Variants in ZNF716 observed in about 807,000 individuals in gnomAD.
The protein encoded by ZNF716 is zinc finger protein 716.
In ZNF716, 9 loss-of-function variants were observed where a neutral mutation model predicts 13.4. The ratio of observed to expected loss-of-function variants is 0.67; its 90% CI spans 0.41 to 1.18. ZNF716 has a LOEUF of 1.18. Among genes scored for constraint, ZNF716 ranks in the 50% most tolerant of loss-of-function variants. The pLI, the probability that ZNF716 is intolerant of heterozygous loss-of-function variation, is 0.01. For missense variants in ZNF716, 581 were observed against 576.6 expected (o/e 1.01, Z -0.08); for synonymous variants, 186 against 195.2 (o/e 0.95, Z 0.39).
Position 57,468,814 on chromosome 7 carries a change from G to A in ZNF716, c.353G>A (p.Cys118Tyr). 6.2e-7 allele frequency: 1 copy of A among 1,613,790 alleles called. No homozygotes were observed. The highest frequency in any genetic ancestry group is 8.5e-7 in the Non-Finnish European group (1 of 1,179,852). ...QKVILRRYGK[C>Y]GQEDLQVKKC... ...GTGATACTGAGAAGATATGGAAAAT[G>A]TGGACAGGAGGATTTACAAGTAAAA... Residue 118 changes from cysteine to tyrosine, a missense_variant, in exon 4 of 4, where the codon TGT becomes TAT. Transcript: ENST00000420713.
rs1554325280 is a variant in ZNF716, at chr7:57,471,433, T to C, written c.*1484T>C. Reference sequence around the variant, plus strand: ...CCATCTTAAAAAAAAAAAAAAAGCGTAAATGTGATTACTGTAAAAAGACCT... The same window carrying C: ...CCATCTTAAAAAAAAAAAAAAAGCGCAAATGTGATTACTGTAAAAAGACCT... On this transcript the variant is annotated 3_prime_UTR_variant, in exon 4 of 4. Coordinates refer to ENST00000420713, the MANE Select transcript of ZNF716 (RefSeq NM_001159279.1). The C allele has an allele frequency of 6.8e-6, 1 of 147,596 alleles. No homozygotes were observed. The allele number at this position is 147,596 out of a possible 1,614,324, so 9.1% of individuals were successfully genotyped here.
chr7:57,464,122 CTTTTTT>C (rs71065117), intron 3 of ZNF716, among the ~76,000 whole-genome samples: 2 of 125,844 alleles, frequency 1.6e-5, no homozygotes, highest in African/African-American at 6.0e-5. Flanking sequence ...TTTCTTTTTT[CTTTTTT>C]TTTTTTTTTT....
Position 57,472,167 on chromosome 7 carries a change from G to T in ZNF716, c.*2218G>T, listed in dbSNP as rs1395236928. 6.6e-6 allele frequency: 1 copy of T among 152,110 alleles called. No individual in the cohort carries two copies. The highest frequency in any genetic ancestry group is 1.5e-5 in the Non-Finnish European group (1 of 68,030). 9.4% of individuals were successfully genotyped at this position (152,110 alleles called of 1,614,324 possible). ...GCATAATGAAAATCTAAATGGAGAG[G>T]TTCTTTGTGGTTGACTTATAACATT... On this transcript the variant is annotated 3_prime_UTR_variant, in exon 4 of 4. Transcript: ENST00000420713.
intron 3 of ZNF716, among the ~76,000 whole-genome samples, chr7:57,464,115 C>CTTTT (rs782745508): frequency 0.081 from 8,608 of 106,780 alleles, 935 homozygotes; most frequent in Non-Finnish European, 0.097. Context: ...TTGTCCATTT[C>CTTTT]TTTTTTCTTT....
At position 57,471,369 on chromosome 7, in the gene ZNF716, C is replaced by T. The variant is rs1789932476; in HGVS notation, c.*1420C>T. 3 of 150,878 alleles carry T rather than the reference C, an allele frequency of 2.0e-5. No individual in the cohort carries two copies. The South Asian group carries it at 6.3e-4, about 31-fold the overall frequency. 9.3% of individuals were successfully genotyped at this position (150,878 alleles called of 1,614,324 possible). A position where few individuals can be genotyped will look rare whatever the true frequency, so the allele number is the denominator to read the frequency against. On this transcript the variant is annotated 3_prime_UTR_variant, in exon 4 of 4. Transcript: ENST00000420713. The stretch of plus-strand genomic sequence containing the variant: ...GGTGGAGGTTGCAGTGAGTCAAGAT[C>T]ACCCCACCATACTCCAGCCTGGGTG...
At chr7:57,452,994 C>T (rs1789525616) in intron 1 of ZNF716, among the ~76,000 whole-genome samples, 1 of 152,052 alleles carries the variant, frequency 6.6e-6, no homozygotes, top group Admixed American at 6.6e-5. Context: ...CTGGTATACT[C>T]TTCCTGTAAA....
chr7:57,455,725 C>G (rs1789573664), intron 1 of ZNF716, among the ~76,000 whole-genome samples: 2 of 152,030 alleles, frequency 1.3e-5, no homozygotes, highest in African/African-American at 4.8e-5. Flanking sequence ...ACCATGTTGG[C>G]CAGGTTGGTC....
chr7:57,463,032 T>A, intron 2 of ZNF716, 41 bp from the exon 3 acceptor site: 1 of 1,599,356 alleles, frequency 6.3e-7, no homozygotes, highest in East Asian at 2.2e-5. Flanking sequence ...ATTAAAGAAT[T>A]CAGCCAGATT....
In ZNF716 at chr7:57,451,620, G is replaced by A. The variant is rs562808403; in HGVS notation, c.39+1293G>A. Among the ~76,000 whole-genome samples, 125 of 151,296 alleles carry A rather than the reference G, an allele frequency of 8.3e-4. 1 individual carries two copies. Among genetic ancestry groups the A allele is most frequent in the African/African-American group, 2.9e-3 (120 of 41,206 alleles). ...CCGCCACCATGCCTGGCTAATTTTT[G>A]TATTTTTAGTAGAGATAGAGTGTTG... On this transcript the variant is annotated intron_variant, in intron 1 of 3. Transcript: ENST00000420713.
chr7:57,469,427 A>G lies in ZNF716; in HGVS notation c.966A>G (p.Arg322=). 1 of 1,613,818 alleles carries G rather than the reference A, an allele frequency of 6.2e-7. No individual in the cohort carries two copies. The highest frequency in any genetic ancestry group is 1.3e-5 in the African/African-American group (1 of 75,006). Residue 322 remains arginine, a synonymous_variant, in exon 4 of 4, where the codon AGA becomes AGG. Coordinates refer to ENST00000420713, the MANE Select transcript of ZNF716 (RefSeq NM_001159279.1). ...TNHKRIHTGE[R]PYKCEECGKA... is the part of the protein sequence containing the mutation. ...ACAAGAGAATTCATACTGGAGAGAGACCCTACAAATGTGAAGAATGTGGCA... is the reference window on the plus strand; with the variant it reads ...ACAAGAGAATTCATACTGGAGAGAGGCCCTACAAATGTGAAGAATGTGGCA...
chr7:57,469,706 A>T lies in ZNF716; in HGVS notation c.1245A>T (p.Lys415Asn). The change falls in exon 4 of 4, where the codon AAA (lysine) becomes AAT (asparagine). Residue 415 changes from lysine (K) to asparagine (N), a missense_variant. Lys to Asn is a moderately conservative substitution (Grantham distance 94, BLOSUM62 0). Coordinates refer to ENST00000420713, the MANE Select transcript of ZNF716 (RefSeq NM_001159279.1). Reference sequence around the variant, plus strand: ...CCTACAAATGTGAAGAATGTGGCAAAGCCTTTAACTGCTCCTCAACCCTTA... The same window carrying T: ...CCTACAAATGTGAAGAATGTGGCAATGCCTTTAACTGCTCCTCAACCCTTA... Reference protein sequence around the residue: ...EKPYKCEECGKAFNCSSTLKK... With the variant: ...EKPYKCEECGNAFNCSSTLKK... The T allele has an allele frequency of 2.5e-6, 4 of 1,611,576 alleles. No individual in the cohort carries two copies. Among genetic ancestry groups the T allele is most frequent in the South Asian group, 1.1e-5 (1 of 90,940 alleles).
Position 57,469,453 on chromosome 7 carries a change from A to T in ZNF716, c.992A>T (p.Lys331Ile), listed in dbSNP as rs531340270. ...CCCTACAAATGTGAAGAATGTGGCAAAGCCTTTAGCTTATCCTCAACCCTT... is the reference window on the plus strand; with the variant it reads ...CCCTACAAATGTGAAGAATGTGGCATAGCCTTTAGCTTATCCTCAACCCTT... ...ERPYKCEECG[K>I]AFSLSSTLKK... Residue 331 changes from lysine (K) to isoleucine (I), a missense_variant, in exon 4 of 4, where the codon AAA (lysine) becomes ATA (isoleucine). By Grantham distance (102) the Lys-to-Ile change is moderately radical. Transcript: ENST00000420713. The T allele has an allele frequency of 6.2e-7, 1 of 1,613,934 alleles. No individual in the cohort carries two copies. The highest frequency in any genetic ancestry group is 1.3e-5 in the African/African-American group (1 of 75,052).
chr7:57,468,845 C>G lies in ZNF716; in HGVS notation c.384C>G (p.Cys128Trp). The G allele has an allele frequency of 6.2e-7, 1 of 1,613,504 alleles. No individual in the cohort carries two copies. The highest frequency in any genetic ancestry group is 8.5e-7 in the Non-Finnish European group (1 of 1,179,784). ...CGQEDLQVKK[C>W]CKSVGECEVH... ...AGGAGGATTTACAAGTAAAAAAATG[C>G]TGTAAAAGTGTAGGTGAGTGTGAGG... is the stretch of plus-strand genomic sequence containing the variant. Residue 128 changes from cysteine (C) to tryptophan (W), a missense_variant, in exon 4 of 4, where the codon TGC becomes TGG. Coordinates refer to ENST00000420713, the MANE Select transcript of ZNF716 (RefSeq NM_001159279.1).
intron 1 of ZNF716, among the ~76,000 whole-genome samples, chr7:57,452,823 A>C (rs140221369): frequency 0.014 from 2,183 of 152,206 alleles, 26 homozygotes; most frequent in Middle Eastern, 0.024. Context: ...TCTGGGTCTT[A>C]GTACTGCTTG....
rs1789868598 is a variant in ZNF716, at chr7:57,469,076, A to G, written c.615A>G (p.Ile205Met). Residue 205 changes from isoleucine (I) to methionine (M), a missense_variant, in exon 4 of 4, where the codon ATA becomes ATG. By Grantham distance (10) the Ile-to-Met change is conservative. Transcript: ENST00000420713. ...TTTCACGCCTAAATCAACATCAGAT[A>G]ATTCATACTAGGGAGAAGTCTTACA... ...CMLSRLNQHQ[I>M]IHTREKSYKC... 1 of 1,608,170 alleles carries G rather than the reference A, an allele frequency of 6.2e-7. No homozygotes were observed. The highest frequency in any genetic ancestry group is 8.5e-7 in the Non-Finnish European group (1 of 1,176,708).
chr7:57,468,588 T>C, intron 3 of ZNF716, 136 bp from the exon 4 acceptor site: 2 of 874,972 alleles, frequency 2.3e-6, no homozygotes, highest in Non-Finnish European at 3.4e-6. Flanking sequence ...TATACATCTA[T>C]GAAGGAATTA....
intron 1 of ZNF716, among the ~76,000 whole-genome samples, chr7:57,458,133 T>C (rs1789636646): frequency 6.6e-6 from 1 of 152,226 alleles, no homozygotes; most frequent in African/African-American, 2.4e-5. Flanking sequence ...GCATGTGTCT[T>C]CATGGTAGAA....
At chr7:57,458,329 G>A (rs1789641177) in intron 1 of ZNF716, among the ~76,000 whole-genome samples, 1 of 151,940 alleles carries the variant, frequency 6.6e-6, no homozygotes, top group Non-Finnish European at 1.5e-5. Context: ...TTCTGACTGT[G>A]TTTATTTGAA....
intron 3 of ZNF716, among the ~76,000 whole-genome samples, chr7:57,467,450 TA>T (rs1226635610): frequency 2.0e-5 from 3 of 152,166 alleles, no homozygotes; most frequent in African/African-American, 7.2e-5. Flanking sequence ...GGAAGATCTT[TA>T]TTTTTTGTTT....
Sources: gnomAD v4.1 joint callset for allele counts (sites outside exome capture counted in the v4.1 genomes callset) on GRCh38, gnomAD v4.1.1 for gene constraint, MANE v1.5 for transcripts, NCBI Gene and HGNC (gene_info 2026-07-23, HGNC 2026-07-21) for gene names.